The following CCDC33 variants were observed in gnomAD, a reference collection of about 807,000 sequenced individuals.
CCDC33 encodes the protein coiled-coil domain-containing protein 33.
CCDC33 carries 94 observed loss-of-function variants against 91.9 expected under a neutral mutation model. The observed-to-expected ratio is 1.02, with a 90% CI of 0.87 to 1.21. CCDC33 has a LOEUF of 1.21. Among genes scored for constraint, CCDC33 ranks in the 50% most tolerant of loss-of-function variants. CCDC33 has a pLI of 0.00. For synonymous variants in CCDC33, 396 were observed against 374.5 expected, an observed-to-expected ratio of 1.06 and a Z score of -0.66; for missense variants, 940 against 935.5, an observed-to-expected ratio of 1.00 and a Z score of -0.06.
intron 2 of CCDC33, among the ~76,000 whole-genome samples, chr15:74,253,124 T>C (rs1489860535): frequency 6.6e-6 from 1 of 152,160 alleles, no homozygotes; most frequent in Admixed American, 6.5e-5. Context: ...TCAGAGGGCA[T>C]TCATGGGGGA....
chr15:74,303,117 CT>C lies in CCDC33; in HGVS notation c.1290+7173del, dbSNP rs2059826374. 2.0e-5 allele frequency: 3 copies of C among 152,308 alleles called. No homozygotes were observed. The South Asian group carries it at 6.2e-4, about 32-fold the overall frequency. 9.4% of individuals were successfully genotyped at this position (152,308 alleles called of 1,614,324 possible). On this transcript the variant is annotated intron_variant, in intron 11 of 18. Coordinates refer to ENST00000398814, the MANE Select transcript of CCDC33 (RefSeq NM_025055.5). ...CAGGTGATTAACTCTGAGCAGGAGT[CT>C]TTTGAGGCTGCCAGCAGCAGTCACC...
chr15:74,225,838 C>T (rs1398039429), intron 2 of CCDC33, among the ~76,000 whole-genome samples: 2 of 152,164 alleles, frequency 1.3e-5, no homozygotes, highest in South Asian at 2.1e-4. Context: ...CCCACCCTGG[C>T]CCTGGTGAGG....
intron 2 of CCDC33, among the ~76,000 whole-genome samples, chr15:74,219,302 A>T (rs543669122): frequency 6.6e-6 from 1 of 152,298 alleles, no homozygotes; most frequent in African/African-American, 2.4e-5. Context: ...TCTAGTCCTT[A>T]TCCGAAATAT....
rs1053557851 is a variant in CCDC33 at position 74,262,678 on chromosome 15, T to G, written c.319+105T>G. On this transcript the variant is annotated intron_variant, in intron 3 of 18. Transcript: ENST00000398814. ...CCTCTCACTGCAGCTGGTAGCCACC[T>G]GAACACCTCCTTGGGCTCAGTTAAA... The G allele has an allele frequency of 5.6e-6, 7 of 1,259,418 alleles. No homozygotes were observed. The African/African-American group carries it at 9.0e-5, about 16-fold the overall frequency. 78.0% of individuals were successfully genotyped at this position (1,259,418 alleles called of 1,614,324 possible).
intron 2 of CCDC33, among the ~76,000 whole-genome samples, chr15:74,228,065 T>C (rs1359671558): frequency 2.6e-5 from 4 of 152,146 alleles, no homozygotes; most frequent in Admixed American, 2.6e-4. Flanking sequence ...AGGAAGCATT[T>C]GTTGAACCCT....
chr15:74,252,422 C>G (rs1323633466), intron 2 of CCDC33, among the ~76,000 whole-genome samples: 1 of 152,218 alleles, frequency 6.6e-6, no homozygotes, highest in Non-Finnish European at 1.5e-5. Flanking sequence ...AACACAGTGA[C>G]AGTGATCATG....
intron 2 of CCDC33, among the ~76,000 whole-genome samples, chr15:74,227,908 C>T (rs2074850995): frequency 6.6e-6 from 1 of 151,736 alleles, no homozygotes; most frequent in African/African-American, 2.4e-5. Flanking sequence ...CAAGAGGTCT[C>T]GGAGGAGAGG....
At chr15:74,224,075 ACT>A (rs1394045582) in intron 2 of CCDC33, among the ~76,000 whole-genome samples, 1 of 152,180 alleles carries the variant, frequency 6.6e-6, no homozygotes, top group African/African-American at 2.4e-5. Context: ...GAACAAAGGC[ACT>A]GTCATGGCGT....
chr15:74,323,161 C>T (rs999651427), intron 11 of CCDC33, among the ~76,000 whole-genome samples: 1 of 152,112 alleles, frequency 6.6e-6, no homozygotes, highest in Non-Finnish European at 1.5e-5. Flanking sequence ...ACTGTCCCCT[C>T]AGACCTTACC....
exon 3 of CCDC33, chr15:74,212,185 G>A (rs963106927): frequency 1.3e-4 from 20 of 152,640 alleles, no homozygotes; most frequent in African/African-American, 4.6e-4. Context: ...GATCCGCAGA[G>A]TCTACAGGGC....
intron 10 of CCDC33, among the ~76,000 whole-genome samples, chr15:74,290,069 T>A (rs1383141395): frequency 6.6e-6 from 1 of 152,186 alleles, no homozygotes; most frequent in Admixed American, 6.5e-5. Flanking sequence ...ATTTCCCCCC[T>A]TCTGAAAACC....
intron 11 of CCDC33, among the ~76,000 whole-genome samples, chr15:74,308,669 A>C (rs1446033026): frequency 1.3e-5 from 2 of 152,204 alleles, no homozygotes; most frequent in East Asian, 3.9e-4. Flanking sequence ...TCAAACAGAC[A>C]AAAGGGGGCT....
At chr15:74,335,299 T>G (rs1417290291) in intron 18 of CCDC33, 8 of 623,934 alleles carry the variant, frequency 1.3e-5, no homozygotes, top group Non-Finnish European at 2.0e-5. Flanking sequence ...AGAAAACCCC[T>G]GCCAAAACTA....
chr15:74,303,653 T>A (rs2059836950), intron 11 of CCDC33: 1 of 152,780 alleles, frequency 6.5e-6, no homozygotes, highest in Non-Finnish European at 1.5e-5. Flanking sequence ...TCTCCAAGCA[T>A]CCCTGTTCTG....
chr15:74,218,350 A>G lies in CCDC33; in HGVS notation c.311-147A>G. 1.2e-5 allele frequency: 10 copies of G among 816,080 alleles called. No individual in the cohort carries two copies. The highest frequency in any genetic ancestry group is 1.7e-5 in the Non-Finnish European group (10 of 599,620). 50.6% of individuals were successfully genotyped at this position (816,080 alleles called of 1,614,324 possible). On this transcript the variant is annotated intron_variant, in intron 1 of 2. Transcript: ENST00000635913. This position sits in a 1 kb window ranked among gnomAD's most constrained non-coding sequence, Gnocchi z 4.8. The stretch of plus-strand genomic sequence containing the variant: ...GGTGGGGCCTAGGAGGGAGTCGCCT[A>G]CCAGGGAAATCTTAGCCAAGACTGC...
At chr15:74,298,805 C>G (rs1041331388) in intron 11 of CCDC33, among the ~76,000 whole-genome samples, 1 of 151,362 alleles carries the variant, frequency 6.6e-6, no homozygotes, top group Non-Finnish European at 1.5e-5. Context: ...CTCCGCCTCC[C>G]GGGTTCAAGC....
chr15:74,287,321 T>G (rs2059494403), intron 10 of CCDC33, among the ~76,000 whole-genome samples: 1 of 152,186 alleles, frequency 6.6e-6, no homozygotes, highest in African/African-American at 2.4e-5. Flanking sequence ...ACCCTTTCCC[T>G]GCCACTATCT....
chr15:74,236,874 A>C, intron 1 of CCDC33, 134 bp downstream of exon 1: 1 of 845,366 alleles, frequency 1.2e-6, no homozygotes, highest in Non-Finnish European at 1.9e-6. Flanking sequence ...ACAGCTGTGA[A>C]ATGGGGAGTG....
At chr15:74,318,721 G>A in intron 11 of CCDC33, 1 of 709,450 alleles carries the variant, frequency 1.4e-6, no homozygotes, top group Non-Finnish European at 2.6e-6. Context: ...CAGCAGGTGT[G>A]TTGGGGTGTG....
Sources: allele counts gnomAD v4.1 joint callset (sites outside exome capture counted in the v4.1 genomes callset), GRCh38; gene constraint gnomAD v4.1.1; non-coding constraint Gnocchi (gnomAD v3.1); transcripts MANE v1.5; gene names NCBI Gene and HGNC (gene_info 2026-07-23, HGNC 2026-07-21).